ZSWIM6: variants seen among roughly 807,000 people sequenced by gnomAD.
ZSWIM6 encodes the protein zinc finger SWIM domain-containing protein 6.
ZSWIM6 carries 9 observed loss-of-function variants against 113.2 expected under a neutral mutation model. The observed-to-expected ratio is 0.08, with a 90% CI of 0.05 to 0.14. The LOEUF (loss-of-function observed/expected upper bound fraction) is 0.14. Among genes scored for constraint, ZSWIM6 ranks in the 10% least tolerant of loss-of-function variants. The pLI, the probability that ZSWIM6 is intolerant of heterozygous loss-of-function variation, is 1.00. For synonymous variants in ZSWIM6, 611 were observed against 606.5 expected (o/e 1.01, Z -0.11); for missense variants, 1,162 against 1,552.2 (o/e 0.75, Z 4.22).
chr5:61,540,758 A>G (rs1230377426), intron 12 of ZSWIM6, among the ~76,000 whole-genome samples: 4 of 151,956 alleles, frequency 2.6e-5, no homozygotes, highest in Non-Finnish European at 5.9e-5. Flanking sequence ...TGTTATTTGG[A>G]ATTCATGGTA....
At chr5:61,424,494 G>T (rs1051302000) in intron 1 of ZSWIM6, among the ~76,000 whole-genome samples, 5 of 152,226 alleles carry the variant, frequency 3.3e-5, no homozygotes, top group Admixed American at 3.3e-4. Flanking sequence ...AGATAATCTC[G>T]GTTTTTTCCT....
intron 1 of ZSWIM6, among the ~76,000 whole-genome samples, chr5:61,419,608 G>A (rs1746316373): frequency 6.6e-6 from 1 of 152,218 alleles, no homozygotes; most frequent in Non-Finnish European, 1.5e-5. Flanking sequence ...GTGCTCAATA[G>A]TTACATGTGG....
chr5:61,404,939 A>G (rs1746016546), intron 1 of ZSWIM6, among the ~76,000 whole-genome samples: 1 of 152,134 alleles, frequency 6.6e-6, no homozygotes. Context: ...GAACTGTAGG[A>G]TATGTTTCCC....
chr5:61,443,693 A>G (rs1377595342), intron 1 of ZSWIM6, among the ~76,000 whole-genome samples: 2 of 152,088 alleles, frequency 1.3e-5, no homozygotes, highest in African/African-American at 2.4e-5. Flanking sequence ...CAGGTAGGAG[A>G]CTCAGTTTCC....
At chr5:61,333,212 C>G (rs868621427) in intron 1 of ZSWIM6, among the ~76,000 whole-genome samples, 21 of 152,072 alleles carry the variant, frequency 1.4e-4, no homozygotes, top group Middle Eastern at 6.8e-3. Context: ...CGCCCCCGGC[C>G]CGCGCTCCCC....
At chr5:61,370,456 G>C (rs1001086441) in intron 1 of ZSWIM6, among the ~76,000 whole-genome samples, 1 of 151,988 alleles carries the variant, frequency 6.6e-6, no homozygotes. Context: ...AGCTCTTTTT[G>C]GTTTGACATT....
Position 61,332,743 on chromosome 5 carries a change from T to G in ZSWIM6, c.471T>G (p.Ser157=). Residue 157 remains serine (S), a synonymous_variant, in exon 1 of 14, where the codon TCT becomes TCG. Transcript: ENST00000252744. ...GCGGCGGCGGCGGCGGCTCCTCGTC[T>G]TCCCCGGCCGCAACCTCGGCGGCCG... ...AGGGGGGGSS[S]SPAATSAAAT... is the part of the protein sequence containing the mutation. The G allele has an allele frequency of 4.4e-6, 4 of 901,774 alleles. No individual in the cohort carries two copies. Among genetic ancestry groups the G allele is most frequent in the South Asian group, 5.2e-5 (1 of 19,236 alleles). The allele number at this position is 901,774 out of a possible 1,614,324, so 55.9% of individuals were successfully genotyped here. A position where few individuals can be genotyped will look rare whatever the true frequency, so the allele number is the denominator to read the frequency against.
In ZSWIM6 at chr5:61,543,549, C is replaced by G; in HGVS notation, c.2880C>G (p.Asn960Lys). Reference protein sequence around the residue: ...TSIVATTVMSNSTIVRLHLDC... With the variant: ...TSIVATTVMSKSTIVRLHLDC... Reference sequence around the variant, plus strand: ...TAGTTGCAACTACCGTGATGTCCAACAGCACCATCGTCCGCCTCCACCTGG... The same window carrying G: ...TAGTTGCAACTACCGTGATGTCCAAGAGCACCATCGTCCGCCTCCACCTGG... Residue 960 changes from asparagine (N) to lysine (K), a missense_variant, in exon 14 of 14, where the codon AAC becomes AAG. Transcript: ENST00000252744. This position sits in a 1 kb window ranked among gnomAD's most constrained non-coding sequence, Gnocchi z 4.3. The G allele has an allele frequency of 6.4e-7, 1 of 1,551,720 alleles. No individual in the cohort carries two copies. Among genetic ancestry groups the G allele is most frequent in the Non-Finnish European group, 8.7e-7 (1 of 1,147,024 alleles).
Position 61,525,964 on chromosome 5 carries a change from C to T in ZSWIM6, c.1678C>T (p.Pro560Ser). Residue 560 changes from proline (P) to serine (S), a missense_variant, in exon 6 of 14, where the codon CCC becomes TCC. Pro to Ser is a moderately conservative substitution (Grantham distance 74, BLOSUM62 -1). This residue lies in a region of ZSWIM6 where 620 missense variants were observed against 804.6 expected (regional missense o/e 0.77). Transcript: ENST00000252744. ...CTCCCTCTTCGACTCCCGCGGGTGG[C>T]CCCTCTGGCATGGTAAGTGACCAAA... ...ENSLFDSRGW[P>S]LWHEHVPTAC... 6.4e-7 allele frequency: 1 copy of T among 1,552,074 alleles called. No individual in the cohort carries two copies. The highest frequency in any genetic ancestry group is 8.7e-7 in the Non-Finnish European group (1 of 1,147,032).
chr5:61,333,555 C>G (rs898941681), intron 1 of ZSWIM6, among the ~76,000 whole-genome samples: 19 of 152,080 alleles, frequency 1.2e-4, no homozygotes, highest in African/African-American at 4.6e-4. Context: ...TCCCGGGTCG[C>G]TGTGGCGTCT....
chr5:61,358,871 G>A (rs1744974646), intron 1 of ZSWIM6, among the ~76,000 whole-genome samples: 1 of 152,148 alleles, frequency 6.6e-6, no homozygotes, highest in Admixed American at 6.5e-5. Flanking sequence ...GGGGTAGGAG[G>A]TGATTTCTAA....
chr5:61,362,781 T>C (rs1393213460), intron 1 of ZSWIM6, among the ~76,000 whole-genome samples: 1 of 152,228 alleles, frequency 6.6e-6, no homozygotes, highest in Non-Finnish European at 1.5e-5. Context: ...CCTGATTGCT[T>C]GCTTATCTTT....
At chr5:61,498,926 AG>A (rs1281122555) in intron 4 of ZSWIM6, among the ~76,000 whole-genome samples, 4 of 152,144 alleles carry the variant, frequency 2.6e-5, no homozygotes, top group Admixed American at 2.6e-4. Context: ...TGAAAGCAGT[AG>A]GCTTAATAAC....
At chr5:61,347,787 G>A (rs1744691062) in intron 1 of ZSWIM6, 1 of 152,178 alleles carries the variant, frequency 6.6e-6, no homozygotes, top group Non-Finnish European at 1.5e-5. Context: ...TTGAAGATAA[G>A]TTTTCATGCT....
chr5:61,391,212 G>T (rs1745701684), intron 1 of ZSWIM6: 1 of 883,090 alleles, frequency 1.1e-6, no homozygotes, highest in East Asian at 2.4e-5. Context: ...TGGTCAACCT[G>T]ATGACGTCGA....
In ZSWIM6 at chr5:61,472,642, C is replaced by T. The variant is rs1481149966; in HGVS notation, c.677-39C>T. ...TAGAGCATTTCATAGCATCTGAATG[C>T]AGAAGCTAAACCCTCCCTTTCTTTC... On this transcript the variant is annotated intron_variant, in intron 1 of 13. Coordinates refer to ENST00000252744, the MANE Select transcript of ZSWIM6 (RefSeq NM_020928.2). The surrounding 1 kb of genome is among the most constrained non-coding windows in gnomAD (Gnocchi z 4.1). 2.1e-6 allele frequency: 3 copies of T among 1,413,072 alleles called. No homozygotes were observed. In the African/African-American group the frequency reaches 4.3e-5, roughly 20 times the overall value. The allele number at this position is 1,413,072 out of a possible 1,614,324, so 87.5% of individuals were successfully genotyped here. A position where few individuals can be genotyped will look rare whatever the true frequency, so the allele number is the denominator to read the frequency against.
rs192512462 is a variant in ZSWIM6 at position 61,505,747 on chromosome 5, C to T, written c.1333+11337C>T. 4.9e-5 allele frequency among the ~76,000 whole-genome samples: 7 copies of T among 142,288 alleles called. No homozygotes were observed. The East Asian group carries it at 6.4e-4, about 13-fold the overall frequency. The allele number at this position is 142,288 out of a possible 152,430, so 93.3% of individuals were successfully genotyped here. ...TCCTTCCCTCTCTCTCTCTCTCTCT[C>T]TCTTTCTTTCTTTCTTTTTTTGAGA... On this transcript the variant is annotated intron_variant, in intron 4 of 13. Coordinates refer to ENST00000252744, the MANE Select transcript of ZSWIM6 (RefSeq NM_020928.2).
chr5:61,332,679 GC>G lies in ZSWIM6; in HGVS notation c.411del (p.Gly138AlafsTer82). The stretch of plus-strand genomic sequence containing the variant: ...AACACCGGCGGCGGCGCCGCGGGCG[GC>G]CCCGGCGACGACAGCGGTGGCGGCG... ...SFNTGGGAAG[G>X]PGDDSGGGGG... On this transcript the variant is annotated frameshift_variant, in exon 1 of 14. Transcript: ENST00000252744. LOFTEE classifies it high-confidence loss of function. 1.8e-6 allele frequency: 2 copies of G among 1,090,350 alleles called. No homozygotes were observed. Among genetic ancestry groups the G allele is most frequent in the South Asian group, 5.0e-5 (2 of 40,184 alleles). 67.5% of individuals were successfully genotyped at this position (1,090,350 alleles called of 1,614,324 possible). A position where few individuals can be genotyped will look rare whatever the true frequency, so the allele number is the denominator to read the frequency against.
intron 1 of ZSWIM6, among the ~76,000 whole-genome samples, chr5:61,464,632 G>A (rs1007857725): frequency 6.6e-6 from 1 of 152,090 alleles, no homozygotes; most frequent in African/African-American, 2.4e-5. Flanking sequence ...TCCAGAGTGT[G>A]GGTGGAAGAA....
Sources: gnomAD v4.1 joint callset for allele counts (sites outside exome capture counted in the v4.1 genomes callset) on GRCh38, gnomAD v4.1.1 for gene constraint, gnomAD v4.1.1 regional missense constraint, Gnocchi (gnomAD v3.1) non-coding constraint, MANE v1.5 for transcripts, NCBI Gene and HGNC (gene_info 2026-07-23, HGNC 2026-07-21) for gene names.